Variants in DIS3L2 observed in about 807,000 individuals in gnomAD.
DIS3L2 encodes the protein DIS3-like exonuclease 2.
Under a neutral mutation model 97.5 loss-of-function variants are expected in DIS3L2, and 34 were observed. That is an observed-to-expected ratio of 0.35 (90% CI 0.27 to 0.46). The LOEUF (loss-of-function observed/expected upper bound fraction) is 0.46, where lower values mean the gene tolerates loss of function less well. Ranked by LOEUF, DIS3L2 falls within the 20% of genes least tolerant of loss-of-function variation. The pLI, the probability that DIS3L2 is intolerant of heterozygous loss-of-function variation, is 1.00. For missense variants in DIS3L2, 1,038 were observed against 1,146.0 expected (o/e 0.91, Z 1.36); for synonymous variants, 435 against 445.2 (o/e 0.98, Z 0.29).
intron 6 of DIS3L2, among the ~76,000 whole-genome samples, chr2:232,105,107 C>T (rs1342613479): frequency 1.3e-5 from 2 of 151,952 alleles, no homozygotes; most frequent in Non-Finnish European, 2.9e-5. Flanking sequence ...TGTGAGCCAC[C>T]ATGCCCAGCC....
At chr2:232,226,999 C>CAA (rs200341353) in intron 10 of DIS3L2, among the ~76,000 whole-genome samples, 1 of 150,084 alleles carries the variant, frequency 6.7e-6, no homozygotes, top group African/African-American at 2.5e-5. Flanking sequence ...AAAACAAAAA[C>CAA]AAAAAAAAAC....
At chr2:232,093,790 G>T (rs1696919246) in intron 6 of DIS3L2, among the ~76,000 whole-genome samples, 1 of 152,004 alleles carries the variant, frequency 6.6e-6, no homozygotes, top group South Asian at 2.1e-4. Flanking sequence ...TCAGTTTTGT[G>T]TAACTTTTCA....
intron 14 of DIS3L2, among the ~76,000 whole-genome samples, chr2:232,301,510 G>T (rs1694854616): frequency 6.6e-6 from 1 of 152,166 alleles, no homozygotes; most frequent in Non-Finnish European, 1.5e-5. Context: ...TGCTGTTTAG[G>T]GTAGAAGAGA....
chr2:232,108,408 T>C (rs931083739), intron 6 of DIS3L2, among the ~76,000 whole-genome samples: 3 of 152,118 alleles, frequency 2.0e-5, no homozygotes, highest in African/African-American at 7.2e-5. Flanking sequence ...GACAAACCCA[T>C]AGCTAATATC....
At chr2:232,278,301 A>G (rs974596401) in intron 13 of DIS3L2, among the ~76,000 whole-genome samples, 9 of 151,928 alleles carry the variant, frequency 5.9e-5, no homozygotes, top group African/African-American at 2.2e-4. Flanking sequence ...ACATTTAGCT[A>G]AAAGCACTTT....
chr2:232,251,374 G>A (rs1031641897), intron 12 of DIS3L2, among the ~76,000 whole-genome samples: 2 of 152,122 alleles, frequency 1.3e-5, no homozygotes, highest in African/African-American at 4.8e-5. Context: ...ATTAAACACA[G>A]GTTAGAAGAA....
chr2:232,175,719 C>T (rs757485164), intron 9 of DIS3L2, among the ~76,000 whole-genome samples: 15 of 151,836 alleles, frequency 9.9e-5, no homozygotes, highest in Non-Finnish European at 1.8e-4. Flanking sequence ...GTTTTTTGAT[C>T]CTTATTCTCC....
chr2:232,300,177 G>A (rs2106321317), intron 14 of DIS3L2, 58 bp downstream of exon 14: 9 of 1,533,380 alleles, frequency 5.9e-6, no homozygotes, highest in East Asian at 2.3e-5. Context: ...TGGTGCCTGT[G>A]GGCTTTCTGA....
intron 14 of DIS3L2, among the ~76,000 whole-genome samples, chr2:232,327,419 T>C (rs1695609397): frequency 1.3e-5 from 2 of 152,234 alleles, no homozygotes; most frequent in Non-Finnish European, 2.9e-5. Flanking sequence ...AGGAGGATTG[T>C]CCGACTGCAT....
chr2:232,061,758 A>T (rs1244934003), intron 5 of DIS3L2, among the ~76,000 whole-genome samples: 3 of 152,194 alleles, frequency 2.0e-5, no homozygotes, highest in Non-Finnish European at 4.4e-5. Context: ...GAAATGAAAC[A>T]TGACTTTATG....
intron 9 of DIS3L2, among the ~76,000 whole-genome samples, chr2:232,189,719 GAGTA>G (rs1691558793): frequency 1.3e-5 from 2 of 152,146 alleles, no homozygotes; most frequent in Admixed American, 6.5e-5. Context: ...AAATGAGTAT[GAGTA>G]AGTGAGAAAT....
chr2:232,111,094 C>A (rs988579097), intron 6 of DIS3L2: 4 of 390,988 alleles, frequency 1.0e-5, no homozygotes, highest in African/African-American at 8.5e-5. Flanking sequence ...AAAAATACTT[C>A]AAAATGTGAG....
intron 8 of DIS3L2, among the ~76,000 whole-genome samples, chr2:232,143,146 T>C (rs1460673135): frequency 6.6e-6 from 1 of 152,178 alleles, no homozygotes; most frequent in Non-Finnish European, 1.5e-5. Context: ...AGAGGCCAAT[T>C]TGAAGGACTT....
chr2:232,191,856 A>G (rs769747415), intron 9 of DIS3L2, among the ~76,000 whole-genome samples: 9 of 152,190 alleles, frequency 5.9e-5, no homozygotes, highest in African/African-American at 9.7e-5. Flanking sequence ...ATCCCTTTCT[A>G]TAGTCATATT....
chr2:232,078,568 C>G (rs745860250), intron 5 of DIS3L2, among the ~76,000 whole-genome samples: 2 of 152,180 alleles, frequency 1.3e-5, no homozygotes, highest in African/African-American at 2.4e-5. Context: ...AACCCACATA[C>G]CCTTGTGCTT....
At chr2:232,153,925 C>T (rs1690395009) in intron 8 of DIS3L2, among the ~76,000 whole-genome samples, 1 of 151,050 alleles carries the variant, frequency 6.6e-6, no homozygotes, top group African/African-American at 2.4e-5. Flanking sequence ...TTTCTCTAAA[C>T]TTCCCTTCTC....
At chr2:231,981,882 A>G (rs1693274245) in intron 1 of DIS3L2, among the ~76,000 whole-genome samples, 1 of 151,152 alleles carries the variant, frequency 6.6e-6, no homozygotes, top group Non-Finnish European at 1.5e-5. Flanking sequence ...AAAAACACAA[A>G]AATTAGCTGG....
chr2:232,247,061 T>G (rs1429184131), intron 11 of DIS3L2, among the ~76,000 whole-genome samples: 2 of 152,244 alleles, frequency 1.3e-5, no homozygotes, highest in Non-Finnish European at 2.9e-5. Flanking sequence ...TGTCAGATGC[T>G]CAGCTTTGTG....
chr2:232,217,407 A>G (rs144109826), intron 10 of DIS3L2, among the ~76,000 whole-genome samples: 2 of 152,320 alleles, frequency 1.3e-5, no homozygotes, highest in African/African-American at 2.4e-5. Context: ...CAAGCAAGCA[A>G]TTAGTTCTGC....
Sources: gnomAD v4.1 joint callset for allele counts (sites outside exome capture counted in the v4.1 genomes callset) on GRCh38, gnomAD v4.1.1 for gene constraint, MANE v1.5 for transcripts, NCBI Gene and HGNC (gene_info 2026-07-23, HGNC 2026-07-21) for gene names.